Variants in KCNJ12 observed in about 807,000 individuals in gnomAD.
KCNJ12 encodes the protein potassium inwardly rectifying channel subfamily J member 12.
Under a neutral mutation model 22.3 loss-of-function variants are expected in KCNJ12, and 2 were observed. The ratio of observed to expected loss-of-function variants is 0.09; its 90% confidence interval spans 0.04 to 0.28. KCNJ12 has a LOEUF of 0.28. KCNJ12 is among the 10% of genes least tolerant of loss of function. The pLI is 1.00. For missense variants in KCNJ12, 155 were observed against 633.3 expected (o/e 0.24, Z 8.11); for synonymous variants, 117 against 261.4 (o/e 0.45, Z 5.33).
chr17:21,391,367 G>A (rs1905204932), intron 1 of KCNJ12, among the ~76,000 whole-genome samples: 4 of 152,296 alleles, frequency 2.6e-5, no homozygotes, highest in Admixed American at 2.6e-4. Flanking sequence ...TTTGGAAGAG[G>A]CTCTGACTCC....
chr17:21,412,809 C>T (rs1235753057), intron 2 of KCNJ12, among the ~76,000 whole-genome samples: 11 of 152,392 alleles, frequency 7.2e-5, no homozygotes, highest in Admixed American at 2.6e-4. Context: ...TGGTGGGGGA[C>T]GGCGCTAGAG....
chr17:21,397,377 G>A (rs963252262), intron 1 of KCNJ12, among the ~76,000 whole-genome samples: 3 of 152,212 alleles, frequency 2.0e-5, no homozygotes, highest in Admixed American at 1.3e-4. Context: ...GATCGCTGCC[G>A]TGTGGGGCTT....
intron 1 of KCNJ12, among the ~76,000 whole-genome samples, chr17:21,388,799 C>T (rs1032849022): frequency 2.6e-5 from 4 of 152,158 alleles, no homozygotes; most frequent in African/African-American, 9.7e-5. Flanking sequence ...CTGGGGGAGG[C>T]GGTGGCCAAG....
rs1904680967 is a variant in KCNJ12 at position 21,376,995 on chromosome 17, C to T, written c.-179+82C>T. The T allele has an allele frequency of 6.6e-6, 1 of 152,184 alleles. No homozygotes were observed. The highest frequency in any genetic ancestry group is 2.4e-5 in the African/African-American group (1 of 41,462). The allele number at this position is 152,184 out of a possible 1,614,324, so 9.4% of individuals were successfully genotyped here. On this transcript the variant is annotated intron_variant, in intron 1 of 2. Coordinates refer to ENST00000583088, the MANE Select transcript of KCNJ12 (RefSeq NM_021012.5). The surrounding 1 kb of genome is among the most constrained non-coding windows in gnomAD (Gnocchi z 5.3). Reference sequence around the variant, plus strand: ...AGGCCGCGCCTCGCCACTAGCCCGGCCCGGAGCTAGCACGAGGTTGTGCAG... The same window carrying T: ...AGGCCGCGCCTCGCCACTAGCCCGGTCCGGAGCTAGCACGAGGTTGTGCAG...
chr17:21,415,020 G>T (rs1293709081), intron 2 of KCNJ12, among the ~76,000 whole-genome samples: 1 of 152,304 alleles, frequency 6.6e-6, no homozygotes, highest in East Asian at 1.9e-4. Context: ...GGGAGAAGGG[G>T]TCGGATCCTA....
At chr17:21,389,602 A>G (rs1376636562) in intron 1 of KCNJ12, among the ~76,000 whole-genome samples, 1 of 151,866 alleles carries the variant, frequency 6.6e-6, no homozygotes, top group Non-Finnish European at 1.5e-5. Flanking sequence ...CTGAGGGGGA[A>G]GCAGCTGTGC....
intron 1 of KCNJ12, among the ~76,000 whole-genome samples, chr17:21,395,066 G>A (rs2142057054): frequency 6.6e-6 from 1 of 152,056 alleles, no homozygotes. Flanking sequence ...GGGAGGCTGA[G>A]GCAGGAGGAT....
At position 21,407,379 on chromosome 17, in the gene KCNJ12, T is replaced by A. The variant is rs1222623886; in HGVS notation, c.-178-1140T>A. ...AACATTCCATCCATCCATCCATCCATGCACCCATCACCCATTCATCCATTA... is the reference window on the plus strand; with the variant it reads ...AACATTCCATCCATCCATCCATCCAAGCACCCATCACCCATTCATCCATTA... On this transcript the variant is annotated intron_variant, in intron 1 of 2. Coordinates refer to ENST00000583088, the MANE Select transcript of KCNJ12 (RefSeq NM_021012.5). 3.9e-5 allele frequency among the ~76,000 whole-genome samples: 6 copies of A among 152,230 alleles called. No homozygotes were observed. The East Asian group carries it at 5.8e-4, about 15-fold the overall frequency.
intron 1 of KCNJ12, among the ~76,000 whole-genome samples, chr17:21,394,352 G>C (rs1905283187): frequency 6.6e-6 from 1 of 152,202 alleles, no homozygotes; most frequent in Non-Finnish European, 1.5e-5. Context: ...TGCTGCCTAG[G>C]AGCAACAGGC....
chr17:21,409,374 G>T (rs1420123901), intron 2 of KCNJ12, among the ~76,000 whole-genome samples: 3 of 152,312 alleles, frequency 2.0e-5, no homozygotes, highest in Admixed American at 6.5e-5. Context: ...CTTTGCTGTG[G>T]AGAGGCTACT....
Position 21,416,711 on chromosome 17 carries a change from C to T in KCNJ12, c.*67C>T, listed in dbSNP as rs1223455404. 1.3e-5 allele frequency: 19 copies of T among 1,493,816 alleles called. No homozygotes were observed. Among genetic ancestry groups the T allele is most frequent in the Non-Finnish European group, 1.6e-5 (18 of 1,124,198 alleles). 92.5% of individuals were successfully genotyped at this position (1,493,816 alleles called of 1,614,324 possible). The stretch of plus-strand genomic sequence containing the variant: ...AGAGGCCCCGCGGTCGCTCAGGGGC[C>T]CCGGGTTTGAGCAGAACGGGCCCAG... On this transcript the variant is annotated 3_prime_UTR_variant, in exon 3 of 3. Transcript: ENST00000583088.
At chr17:21,385,776 G>A (rs1277133065) in intron 1 of KCNJ12, among the ~76,000 whole-genome samples, 2 of 152,254 alleles carry the variant, frequency 1.3e-5, no homozygotes, top group Non-Finnish European at 2.9e-5. Flanking sequence ...CTCATGACCA[G>A]GCTCTTGGTG....
intron 1 of KCNJ12, among the ~76,000 whole-genome samples, chr17:21,392,052 A>G (rs150669337): frequency 6.6e-6 from 1 of 152,264 alleles, no homozygotes; most frequent in East Asian, 1.9e-4. Context: ...ACTTATGCTG[A>G]GTGTGGTGGT....
Position 21,417,278 on chromosome 17 carries a change from C to T in KCNJ12, c.*634C>T, listed in dbSNP as rs1378488005. Reference sequence around the variant, plus strand: ...GGGCAAGCAGGGTGCTCTGGGACCGCACTTCATCGAGCTCACGAGCCAGCT... The same window carrying T: ...GGGCAAGCAGGGTGCTCTGGGACCGTACTTCATCGAGCTCACGAGCCAGCT... On this transcript the variant is annotated 3_prime_UTR_variant, in exon 3 of 3. Coordinates refer to ENST00000583088, the MANE Select transcript of KCNJ12 (RefSeq NM_021012.5). The T allele has an allele frequency of 1.2e-5, 2 of 167,006 alleles. No homozygotes were observed. Among genetic ancestry groups the T allele is most frequent in the Non-Finnish European group, 2.9e-5 (2 of 68,154 alleles). 10.3% of individuals were successfully genotyped at this position (167,006 alleles called of 1,614,324 possible).
At chr17:21,390,267 C>G (rs1555559157) in intron 1 of KCNJ12, among the ~76,000 whole-genome samples, 2 of 152,224 alleles carry the variant, frequency 1.3e-5, no homozygotes, top group Non-Finnish European at 2.9e-5. Flanking sequence ...TCCGCTGGAC[C>G]CTGCACTACA....
intron 2 of KCNJ12, among the ~76,000 whole-genome samples, chr17:21,410,274 GCAAGGGC>G (rs1396793795): frequency 6.6e-6 from 1 of 152,228 alleles, no homozygotes; most frequent in Non-Finnish European, 1.5e-5. Flanking sequence ...ATGTGACGGA[GCAAGGGC>G]ACCGGCTCAG....
intron 1 of KCNJ12, among the ~76,000 whole-genome samples, chr17:21,386,682 A>C (rs1905080509): frequency 6.6e-6 from 1 of 151,886 alleles, no homozygotes; most frequent in African/African-American, 2.4e-5. Flanking sequence ...TAATATTTAT[A>C]TTTTTAGTAG....
intron 1 of KCNJ12, among the ~76,000 whole-genome samples, chr17:21,393,102 C>T (rs1360648968): frequency 2.0e-5 from 3 of 152,160 alleles, no homozygotes; most frequent in Non-Finnish European, 4.4e-5. Context: ...CACGGCCGTA[C>T]CGGCTCTCCC....
At chr17:21,388,952 G>A (rs1382660028) in intron 1 of KCNJ12, among the ~76,000 whole-genome samples, 1 of 152,202 alleles carries the variant, frequency 6.6e-6, no homozygotes, top group African/African-American at 2.4e-5. Flanking sequence ...GAATGGCAGC[G>A]CTGGGCATGA....
Sources: gnomAD v4.1 joint callset for allele counts (sites outside exome capture counted in the v4.1 genomes callset) on GRCh38, gnomAD v4.1.1 for gene constraint, Gnocchi (gnomAD v3.1) non-coding constraint, MANE v1.5 for transcripts, NCBI Gene and HGNC (gene_info 2026-07-23, HGNC 2026-07-21) for gene names.